Variants in KDM4C observed in about 807,000 individuals in gnomAD.
The protein encoded by KDM4C is lysine-specific demethylase 4C.
Under a neutral mutation model 129.3 loss-of-function variants are expected in KDM4C, and 81 were observed. The ratio of observed to expected loss-of-function variants is 0.63; its 90% CI spans 0.52 to 0.75. The LOEUF (loss-of-function observed/expected upper bound fraction) is 0.75. Among genes scored for constraint, KDM4C ranks in the 30% least tolerant of loss-of-function variants. The pLI is 0.00. For missense variants in KDM4C, 1,457 were observed against 1,304.0 expected, an observed-to-expected ratio of 1.12 and a Z score of -1.81; for synonymous variants, 573 against 456.1, an observed-to-expected ratio of 1.26 and a Z score of -3.26.
At chr9:6,730,153 A>G (rs1817272906) in intron 1 of KDM4C, among the ~76,000 whole-genome samples, 1 of 151,952 alleles carries the variant, frequency 6.6e-6, no homozygotes, top group Admixed American at 6.6e-5. Flanking sequence ...CACCTGGAAT[A>G]TGGCCATGAG....
intron 8 of KDM4C, among the ~76,000 whole-genome samples, chr9:6,894,245 A>T (rs986406282): frequency 2.0e-5 from 3 of 152,260 alleles, no homozygotes; most frequent in Admixed American, 6.5e-5. Context: ...GCCCTTTGGC[A>T]GCCCAGGAGT....
At chr9:6,902,316 T>A (rs1817547969) in intron 8 of KDM4C, among the ~76,000 whole-genome samples, 1 of 151,946 alleles carries the variant, frequency 6.6e-6, no homozygotes, top group Non-Finnish European at 1.5e-5. Flanking sequence ...AGGGAGAGTG[T>A]TGGAAAAGAA....
intron 1 of KDM4C, among the ~76,000 whole-genome samples, chr9:6,779,029 A>G (rs1823716893): frequency 1.2e-5 from 1 of 83,822 alleles, no homozygotes; most frequent in African/African-American, 6.9e-5. Flanking sequence ...GCCTGATTAA[A>G]GTCTTTTTTT....
intron 5 of KDM4C, among the ~76,000 whole-genome samples, chr9:6,851,546 A>C (rs771697604): frequency 6.6e-6 from 1 of 152,180 alleles, no homozygotes; most frequent in Non-Finnish European, 1.5e-5. Flanking sequence ...CATGTTAATA[A>C]AATCTAGTAT....
chr9:6,873,414 A>C (rs1309424223), intron 5 of KDM4C, among the ~76,000 whole-genome samples: 1 of 152,170 alleles, frequency 6.6e-6, no homozygotes, highest in African/African-American at 2.4e-5. Context: ...CTGTTGTTTA[A>C]TGTAGCCACC....
chr9:6,929,894 A>G (rs11788849), intron 8 of KDM4C, among the ~76,000 whole-genome samples: 3 of 151,990 alleles, frequency 2.0e-5, no homozygotes, highest in South Asian at 2.1e-4. Flanking sequence ...CCCTCTGCCA[A>G]TTCTTTCTTT....
chr9:6,750,293 T>A (rs1818025018), intron 1 of KDM4C, among the ~76,000 whole-genome samples: 1 of 151,646 alleles, frequency 6.6e-6, no homozygotes, highest in Non-Finnish European at 1.5e-5. Flanking sequence ...ACAAAAATTA[T>A]CTGGGCATGG....
intron 17 of KDM4C, among the ~76,000 whole-genome samples, chr9:7,050,072 A>G (rs145294804): frequency 2.6e-4 from 40 of 152,076 alleles, no homozygotes; most frequent in Admixed American, 1.4e-3. Context: ...CTTTTCCCCA[A>G]TGGCGAGCTG....
chr9:6,835,981 A>C (rs1236367916), intron 4 of KDM4C, among the ~76,000 whole-genome samples: 1 of 151,944 alleles, frequency 6.6e-6, no homozygotes, highest in Non-Finnish European at 1.5e-5. Context: ...AATTTTTTTA[A>C]ATTTTTGCCT....
At chr9:7,023,962 T>G (rs2132283761) in intron 15 of KDM4C, among the ~76,000 whole-genome samples, 1 of 152,350 alleles carries the variant, frequency 6.6e-6, no homozygotes, top group Non-Finnish European at 1.5e-5. Flanking sequence ...TTGTTATTGA[T>G]TTCTATTTTT....
At chr9:7,122,265 A>ACACACACACACACACACACTCTCT (rs375655422) in intron 18 of KDM4C, among the ~76,000 whole-genome samples, 1 of 144,714 alleles carries the variant, frequency 6.9e-6, no homozygotes, top group African/African-American at 2.6e-5. Flanking sequence ...ACACACACAC[A>ACACACACACACACACACACTCTCT]CTCTCTCTCT....
At chr9:6,721,205 C>T (rs1434691426) in intron 1 of KDM4C, 14 of 308,540 alleles carry the variant, frequency 4.5e-5, no homozygotes, top group East Asian at 3.3e-4. Context: ...TTCCCAGTAG[C>T]TGGGATTACC....
chr9:7,052,908 A>ATT (rs1280627493), intron 17 of KDM4C, among the ~76,000 whole-genome samples: 14,255 of 33,404 alleles, frequency 0.43, 2,046 homozygotes, highest in South Asian at 0.5. Context: ...AGAGCGAGCG[A>ATT]GTGCCCAAGG....
At chr9:7,040,379 G>GTGTGTGTGTC (rs1554712814) in intron 15 of KDM4C, among the ~76,000 whole-genome samples, 69 of 94,682 alleles carry the variant, frequency 7.3e-4, no homozygotes, top group African/African-American at 1.5e-3. Flanking sequence ...CTGTGTGTGT[G>GTGTGTGTGTC]TGTGTGTGTG....
At chr9:6,919,080 T>C (rs1820853263) in intron 8 of KDM4C, among the ~76,000 whole-genome samples, 1 of 152,148 alleles carries the variant, frequency 6.6e-6, no homozygotes, top group South Asian at 2.1e-4. Flanking sequence ...CTTGAACTCT[T>C]GACCTTGTGA....
chr9:6,888,741 G>A (rs1033710245), intron 7 of KDM4C, among the ~76,000 whole-genome samples: 5 of 151,430 alleles, frequency 3.3e-5, no homozygotes, highest in Middle Eastern at 7.0e-3. Flanking sequence ...GTACTTAGCT[G>A]CTTGCAGAAA....
chr9:6,867,011 ATATATATT>A lies in KDM4C; in HGVS notation c.630-12999_630-12992del, dbSNP rs769180717. ...TGTGTGTGTGTGTGTATATATATAT[ATATATATT>A]TTTTTTTTTTTTTGGAAGATGGAAT... On this transcript the variant is annotated intron_variant, in intron 5 of 21. Transcript: ENST00000381309. Among the ~76,000 whole-genome samples, 573 of 102,216 alleles carry A rather than the reference ATATATATT, an allele frequency of 5.6e-3. 3 individuals are homozygous for A. The highest frequency in any genetic ancestry group is 8.6e-3 in the South Asian group (29 of 3,366). The allele number at this position is 102,216 out of a possible 152,430, so 67.1% of individuals were successfully genotyped here.
chr9:6,834,739 T>C (rs1835547798), intron 4 of KDM4C: 1 of 1,000,316 alleles, frequency 1.0e-6, no homozygotes, highest in Non-Finnish European at 1.6e-6. Flanking sequence ...GGGAGCTGCA[T>C]GTGGTTCCCG....
At chr9:6,786,121 A>G (rs1391546275) in intron 1 of KDM4C, among the ~76,000 whole-genome samples, 1 of 143,312 alleles carries the variant, frequency 7.0e-6, no homozygotes, top group African/African-American at 2.7e-5. Context: ...CTCCCACAGA[A>G]GTTGTTTAAG....
Sources: allele counts gnomAD v4.1 joint callset (sites outside exome capture counted in the v4.1 genomes callset), GRCh38; gene constraint gnomAD v4.1.1; transcripts MANE v1.5; gene names NCBI Gene and HGNC (gene_info 2026-07-23, HGNC 2026-07-21).